Variants in MED27 observed in about 807,000 individuals in gnomAD.
MED27 encodes mediator complex subunit 27.
A neutral mutation model predicts 38.2 loss-of-function variants in MED27; 30 were observed. That is an observed-to-expected ratio of 0.79 (90% CI 0.59 to 1.07). MED27 has a LOEUF of 1.07. MED27 is among the 50% of genes least tolerant of loss of function. MED27 has a pLI of 0.00. For missense variants in MED27, 289 were observed against 397.5 expected (o/e 0.73, Z 2.32); for synonymous variants, 122 against 153.5 (o/e 0.79, Z 1.52).
In MED27 at chr9:131,883,207, G is replaced by A. The variant is rs1839079178; in HGVS notation, c.723+851C>T. ...GGACACCTGTTGTTGAGCTGGATGA[G>A]GGAATGAATGAGATGATGGCCAACT... On this transcript the variant is annotated intron_variant, in intron 6 of 7. Transcript: ENST00000292035. The surrounding 1 kb of genome is among the most constrained non-coding windows in gnomAD (Gnocchi z 4.2). 6.6e-6 allele frequency among the ~76,000 whole-genome samples: 1 copy of A among 152,178 alleles called. No individual in the cohort carries two copies. The highest frequency in any genetic ancestry group is 2.1e-4 in the South Asian group (1 of 4,828).
chr9:131,963,758 T>C lies in MED27; in HGVS notation c.480-24284A>G, dbSNP rs7045484. Among the ~76,000 whole-genome samples, 814 of 152,342 alleles carry C rather than the reference T, an allele frequency of 5.3e-3. 15 individuals carry two copies. The highest frequency in any genetic ancestry group is 0.018 in the African/African-American group (750 of 41,580). On this transcript the variant is annotated intron_variant, in intron 3 of 7. Transcript: ENST00000292035. ...CCTGTGCTTTATATTTATAGTTCTG[T>C]CCATCTCCTCTCTTGTTATATAAGC...
chr9:132,006,618 AACCTGGAGTTTTAT>A (rs1832362280), intron 3 of MED27, among the ~76,000 whole-genome samples: 1 of 152,098 alleles, frequency 6.6e-6, no homozygotes, highest in South Asian at 2.1e-4. Flanking sequence ...GAACTGCAGA[AACCTGGAGTTTTAT>A]ACCTGTATGG....
At position 131,917,850 on chromosome 9, in the gene MED27, C is replaced by T. The variant is rs1266230581; in HGVS notation, c.573+21531G>A. 6.6e-6 allele frequency among the ~76,000 whole-genome samples: 1 copy of T among 152,022 alleles called. No homozygotes were observed. Among genetic ancestry groups the T allele is most frequent in the Non-Finnish European group, 1.5e-5 (1 of 67,998 alleles). On this transcript the variant is annotated intron_variant, in intron 4 of 7. Transcript: ENST00000292035. The surrounding 1 kb of genome is among the most constrained non-coding windows in gnomAD (Gnocchi z 4.6). ...GAAAACATCCAGCATTTATCACTGA[C>T]TAAAACTGAATTAGACAGCCTTAAA...
intron 5 of MED27, among the ~76,000 whole-genome samples, chr9:131,890,100 C>CA: frequency 6.6e-6 from 1 of 152,262 alleles, no homozygotes; most frequent in Middle Eastern, 3.4e-3. Flanking sequence ...TACACACACA[C>CA]AGAGTACTCA....
At chr9:131,920,612 A>G (rs1830371757) in intron 4 of MED27, among the ~76,000 whole-genome samples, 1 of 152,376 alleles carries the variant, frequency 6.6e-6, no homozygotes, top group East Asian at 1.9e-4. Context: ...TTAGAAAGTG[A>G]TAAGTACAAC....
At chr9:132,064,823 T>C (rs1049954628) in intron 2 of MED27, among the ~76,000 whole-genome samples, 1 of 152,196 alleles carries the variant, frequency 6.6e-6, no homozygotes, top group African/African-American at 2.4e-5. Flanking sequence ...CGGCACTCTG[T>C]CATGGTCCTT....
intron 3 of MED27, among the ~76,000 whole-genome samples, chr9:131,942,378 G>C (rs1447838110): frequency 6.6e-6 from 1 of 152,142 alleles, no homozygotes; most frequent in Non-Finnish European, 1.5e-5. Context: ...GTTTATACCA[G>C]GTCACTGGAA....
intron 4 of MED27, among the ~76,000 whole-genome samples, chr9:131,895,062 A>G (rs574040077): frequency 3.0e-4 from 45 of 152,170 alleles, no homozygotes; most frequent in Non-Finnish European, 6.2e-4. Context: ...CAGACGGTGA[A>G]GCAGATACGG....
chr9:131,905,410 A>C (rs1004365729), intron 4 of MED27, among the ~76,000 whole-genome samples: 2 of 152,234 alleles, frequency 1.3e-5, no homozygotes. Context: ...TGTCTCACTG[A>C]AACTACCTGC....
intron 3 of MED27, among the ~76,000 whole-genome samples, chr9:131,988,773 C>CA (rs1831910261): frequency 6.6e-6 from 1 of 152,108 alleles, no homozygotes; most frequent in Admixed American, 6.6e-5. Flanking sequence ...CCACTGTGCC[C>CA]AGCTAATTGA....
intron 4 of MED27, among the ~76,000 whole-genome samples, chr9:131,930,032 C>CAG (rs112511169): frequency 0.016 from 2,445 of 151,200 alleles, 50 homozygotes; most frequent in African/African-American, 0.051. Context: ...TGGCTTAGCA[C>CAG]AGAGAGAGAG....
At chr9:132,071,513 T>C (rs1317901752) in intron 2 of MED27, among the ~76,000 whole-genome samples, 1 of 151,364 alleles carries the variant, frequency 6.6e-6, no homozygotes, top group Non-Finnish European at 1.5e-5. Context: ...ACTCACTCCA[T>C]GAGCACACAC....
At chr9:131,967,819 T>C (rs1007581008) in intron 3 of MED27, among the ~76,000 whole-genome samples, 32 of 73,190 alleles carry the variant, frequency 4.4e-4, no homozygotes, top group Non-Finnish European at 7.2e-4. Context: ...CCTCTCATGA[T>C]TTTTTTTTTT....
intron 6 of MED27, among the ~76,000 whole-genome samples, chr9:131,878,852 C>A (rs1838985595): frequency 6.6e-6 from 1 of 151,286 alleles, no homozygotes; most frequent in African/African-American, 2.4e-5. Flanking sequence ...TTCTAAGTCC[C>A]ATTCTCTGAA....
intron 4 of MED27, among the ~76,000 whole-genome samples, chr9:131,916,449 T>G (rs1830289834): frequency 6.6e-6 from 1 of 152,214 alleles, no homozygotes; most frequent in Non-Finnish European, 1.5e-5. Context: ...AAACATCATT[T>G]TTGCGGCACA....
intron 2 of MED27, among the ~76,000 whole-genome samples, chr9:132,071,979 C>A (rs1833949897): frequency 1.3e-5 from 2 of 151,802 alleles, no homozygotes; most frequent in South Asian, 4.2e-4. Flanking sequence ...TACACAGGCA[C>A]AGAAGTAACG....
chr9:131,928,400 T>C (rs1218178487), intron 4 of MED27, among the ~76,000 whole-genome samples: 1 of 151,950 alleles, frequency 6.6e-6, no homozygotes, highest in Non-Finnish European at 1.5e-5. Flanking sequence ...ATAATAAGAA[T>C]GAAAAATCAG....
intron 4 of MED27, among the ~76,000 whole-genome samples, chr9:131,921,958 G>A (rs943242581): frequency 6.7e-6 from 1 of 150,026 alleles, no homozygotes; most frequent in Non-Finnish European, 1.5e-5. Context: ...TCACTCATAG[G>A]TGGGAACTGA....
chr9:131,871,563 G>T (rs1251537099), intron 6 of MED27, among the ~76,000 whole-genome samples: 1 of 152,190 alleles, frequency 6.6e-6, no homozygotes, highest in Non-Finnish European at 1.5e-5. Flanking sequence ...CTTGTCCTCT[G>T]TTTCAGGGGT....
Sources: allele counts gnomAD v4.1 joint callset (sites outside exome capture counted in the v4.1 genomes callset), GRCh38; gene constraint gnomAD v4.1.1; non-coding constraint Gnocchi (gnomAD v3.1); transcripts MANE v1.5; gene names NCBI Gene and HGNC (gene_info 2026-07-23, HGNC 2026-07-21).